MAF: variants seen among roughly 807,000 people sequenced by gnomAD.
MAF encodes the protein transcription factor Maf.
MAF carries 10 observed loss-of-function variants against 22.0 expected under a neutral mutation model. That is an observed-to-expected ratio of 0.45 (90% CI 0.28 to 0.77). The LOEUF (loss-of-function observed/expected upper bound fraction) is 0.77, where lower values mean the gene tolerates loss of function less well. Ranked by LOEUF, MAF falls within the 30% of genes least tolerant of loss-of-function variation. The pLI, the probability that MAF is intolerant of heterozygous loss-of-function variation, is 0.12. For missense variants in MAF, 544 were observed against 548.4 expected (o/e 0.99, Z 0.08); for synonymous variants, 337 against 255.8 (o/e 1.32, Z -3.03).
chr16:79,274,581 C>G, the MAF span, among the ~76,000 whole-genome samples: 1 of 152,160 alleles, frequency 6.6e-6, no homozygotes, highest in Non-Finnish European at 1.5e-5. Flanking sequence ...GAAGAAAGGA[C>G]CCTACTGTAT....
chr16:79,582,816 G>C (rs906955986), downstream of MAF, among the ~76,000 whole-genome samples: 1 of 152,184 alleles, frequency 6.6e-6, no homozygotes, highest in Non-Finnish European at 1.5e-5. Flanking sequence ...CTACAGCAGA[G>C]AGCATTCTCC....
chr16:79,338,665 A>C, the MAF span, among the ~76,000 whole-genome samples: 11 of 152,190 alleles, frequency 7.2e-5, no homozygotes, highest in Non-Finnish European at 1.5e-4. Flanking sequence ...AATGGGAGAG[A>C]GATGGACAGG....
At chr16:79,427,229 T>A in the MAF span, among the ~76,000 whole-genome samples, 1 of 152,152 alleles carries the variant, frequency 6.6e-6, no homozygotes, top group East Asian at 1.9e-4. Flanking sequence ...GCTGCCACAA[T>A]CAATGATCCA....
chr16:79,588,814 G>GA (rs1328685033), intron 1 of MAF, among the ~76,000 whole-genome samples: 4 of 151,184 alleles, frequency 2.6e-5, no homozygotes, highest in Admixed American at 6.6e-5. Flanking sequence ...AGGGTCCCAG[G>GA]AAAAAATAAA....
chr16:79,239,846 C>T, the MAF span, among the ~76,000 whole-genome samples: 7 of 151,858 alleles, frequency 4.6e-5, no homozygotes, highest in African/African-American at 1.2e-4. Flanking sequence ...AGGGGTAAGG[C>T]GCTGGGAATG....
chr16:79,592,743 A>T (rs1376099631), downstream of MAF, among the ~76,000 whole-genome samples: 1 of 152,250 alleles, frequency 6.6e-6, no homozygotes, highest in East Asian at 1.9e-4. Flanking sequence ...GCGGAGATAA[A>T]AATTGTAGCC....
the MAF span, among the ~76,000 whole-genome samples, chr16:79,558,700 A>G: frequency 6.6e-6 from 1 of 152,084 alleles, no homozygotes; most frequent in Non-Finnish European, 1.5e-5. Context: ...TGATGCAGAT[A>G]CTCCATGCCT....
the MAF span, among the ~76,000 whole-genome samples, chr16:79,549,456 C>T: frequency 1.3e-5 from 2 of 152,206 alleles, no homozygotes; most frequent in African/African-American, 2.4e-5. Flanking sequence ...TAGAGCTGTA[C>T]GTTCCTCAAC....
chr16:79,441,895 G>A, the MAF span, among the ~76,000 whole-genome samples: 4 of 152,180 alleles, frequency 2.6e-5, no homozygotes, highest in African/African-American at 9.7e-5. Context: ...CCTTAAATCC[G>A]ATGACGAGGA....
chr16:79,328,347 T>C, the MAF span, among the ~76,000 whole-genome samples: 1 of 152,048 alleles, frequency 6.6e-6, no homozygotes, highest in African/African-American at 2.4e-5. Flanking sequence ...AAATGCAACT[T>C]GAGGCATTTA....
At chr16:79,421,038 G>GAA in the MAF span, among the ~76,000 whole-genome samples, 1 of 125,872 alleles carries the variant, frequency 7.9e-6, no homozygotes, top group Non-Finnish European at 1.8e-5. Flanking sequence ...GTCTCAAAAA[G>GAA]AAAAAAAAAA....
chr16:79,542,571 T>C, the MAF span, among the ~76,000 whole-genome samples: 13 of 152,256 alleles, frequency 8.5e-5, 1 homozygote, highest in Middle Eastern at 0.01. Context: ...GAACTGCTCT[T>C]CCTTCCCCTC....
At chr16:79,207,401 A>G in the MAF span, among the ~76,000 whole-genome samples, 1 of 152,248 alleles carries the variant, frequency 6.6e-6, no homozygotes, top group Admixed American at 6.5e-5. Context: ...TCATGGGAAC[A>G]CTGCCGTCTT....
chr16:79,212,287 C>CAGCTT, the MAF span: 3 of 1,123,066 alleles, frequency 2.7e-6, no homozygotes, highest in Non-Finnish European at 3.7e-6. Context: ...AAGACTGAGC[C>CAGCTT]AGCTTAGCAA....
chr16:79,500,800 A>C, the MAF span, among the ~76,000 whole-genome samples: 1 of 152,178 alleles, frequency 6.6e-6, no homozygotes, highest in Non-Finnish European at 1.5e-5. Flanking sequence ...TTTGGGACTC[A>C]TGGAGGTGTC....
the MAF span, among the ~76,000 whole-genome samples, chr16:79,338,093 C>A: frequency 6.6e-6 from 1 of 152,168 alleles, no homozygotes; most frequent in African/African-American, 2.4e-5. Context: ...ACAAAACATA[C>A]ACGCAAGTCA....
chr16:79,256,206 T>C, the MAF span, among the ~76,000 whole-genome samples: 1 of 151,654 alleles, frequency 6.6e-6, no homozygotes, highest in Non-Finnish European at 1.5e-5. Context: ...GACAGGATGG[T>C]CTCAATCTCC....
At chr16:79,251,430 G>C in the MAF span, among the ~76,000 whole-genome samples, 5 of 149,544 alleles carry the variant, frequency 3.3e-5, no homozygotes, top group African/African-American at 7.4e-5. Context: ...ATTCTCCTGC[G>C]TCAGCCTCCA....
At chr16:79,440,206 G>T in the MAF span, among the ~76,000 whole-genome samples, 2 of 152,224 alleles carry the variant, frequency 1.3e-5, no homozygotes, top group Non-Finnish European at 2.9e-5. Context: ...AGCCAGAAAA[G>T]GGGGCTCTTG....
Sources: allele counts gnomAD v4.1 joint callset (sites outside exome capture counted in the v4.1 genomes callset), GRCh38; gene constraint gnomAD v4.1.1; transcripts MANE v1.5; gene names NCBI Gene and HGNC (gene_info 2026-07-23, HGNC 2026-07-21).